The following PDE4D variants were observed in gnomAD, a reference collection of about 807,000 sequenced individuals.
PDE4D encodes 3',5'-cyclic-AMP phosphodiesterase 4D.
PDE4D carries 24 observed loss-of-function variants against 87.4 expected under a neutral mutation model. The observed-to-expected ratio is 0.27, with a 90% CI of 0.20 to 0.39. The LOEUF (loss-of-function observed/expected upper bound fraction) is 0.39. Among genes scored for constraint, PDE4D ranks in the 10% least tolerant of loss-of-function variants. PDE4D has a pLI of 1.00. For missense variants in PDE4D, 714 were observed against 1,041.0 expected (o/e 0.69, Z 4.32); for synonymous variants, 384 against 383.2 (o/e 1.00, Z -0.02).
At chr5:59,639,812 AGTGTGTGTGTGTGTGTGTGTGTGTGT>A (rs70975323) in intron 1 of PDE4D, among the ~76,000 whole-genome samples, 8 of 143,622 alleles carry the variant, frequency 5.6e-5, no homozygotes, top group Non-Finnish European at 9.1e-5. Context: ...TAGTGTCTAT[AGTGTGTGTGTGTGTGTGTGTGTGTGT>A]GTGTGTGTGT....
chr5:59,771,435 AAG>A (rs1295824570), intron 1 of PDE4D, among the ~76,000 whole-genome samples: 2 of 81,654 alleles, frequency 2.4e-5, no homozygotes, highest in South Asian at 4.5e-4. Flanking sequence ...GAAAAAGAAA[AAG>A]AAAGAAAGAA....
intron 5 of PDE4D, among the ~76,000 whole-genome samples, chr5:59,080,457 A>G (rs1016652977): frequency 2.0e-5 from 3 of 152,150 alleles, no homozygotes; most frequent in Non-Finnish European, 4.4e-5. Context: ...CTCCTTTAAC[A>G]GTGTGGGACT....
At chr5:60,337,386 T>TACAC (rs1370710315) in intron 1 of PDE4D, among the ~76,000 whole-genome samples, 92 of 92,110 alleles carry the variant, frequency 1.0e-3, no homozygotes, top group South Asian at 5.3e-3. Flanking sequence ...TATATATATA[T>TACAC]ATACACACAC....
chr5:59,583,466 ACCCTTAT>A (rs1036193001), intron 1 of PDE4D, among the ~76,000 whole-genome samples: 3 of 152,200 alleles, frequency 2.0e-5, no homozygotes, highest in African/African-American at 7.2e-5. Flanking sequence ...AGTGAGGCAA[ACCCTTAT>A]CTTTGTTTGG....
intron 6 of PDE4D, among the ~76,000 whole-genome samples, chr5:59,006,795 C>A: frequency 6.6e-6 from 1 of 152,234 alleles, no homozygotes; most frequent in Non-Finnish European, 1.5e-5. Context: ...ACTGCTGATA[C>A]ATTAACACAT....
chr5:60,316,752 G>GT (rs1188318728), intron 1 of PDE4D, among the ~76,000 whole-genome samples: 1 of 152,094 alleles, frequency 6.6e-6, no homozygotes, highest in African/African-American at 2.4e-5. Context: ...TAATCATATG[G>GT]TTTTTGTCAT....
At chr5:59,200,739 A>G (rs1187299497) in intron 2 of PDE4D, among the ~76,000 whole-genome samples, 1 of 150,102 alleles carries the variant, frequency 6.7e-6, no homozygotes, top group East Asian at 2.0e-4. Context: ...ATGTATATAT[A>G]TACATACACA....
intron 2 of PDE4D, among the ~76,000 whole-genome samples, chr5:60,111,745 T>C (rs1266356713): frequency 6.6e-6 from 1 of 151,946 alleles, no homozygotes; most frequent in East Asian, 1.9e-4. Context: ...TACAAAGACA[T>C]ATAATAAAGA....
At chr5:59,039,527 T>C (rs1408563271) in intron 5 of PDE4D, 1 of 985,710 alleles carries the variant, frequency 1.0e-6, no homozygotes, top group Non-Finnish European at 1.2e-6. Flanking sequence ...CCTGTTTTCT[T>C]TCTCAACTCC....
intron 1 of PDE4D, among the ~76,000 whole-genome samples, chr5:60,458,748 G>A (rs1057364247): frequency 5.6e-5 from 8 of 142,670 alleles, no homozygotes; most frequent in East Asian, 2.1e-4. Flanking sequence ...GTGAGCACAC[G>A]CACCACACCC....
At chr5:59,807,210 T>C (rs1028194635) in intron 1 of PDE4D, among the ~76,000 whole-genome samples, 1 of 151,506 alleles carries the variant, frequency 6.6e-6, no homozygotes, top group African/African-American at 2.4e-5. Context: ...GGTCCTGCCC[T>C]GGGAGCCTTA....
intron 2 of PDE4D, among the ~76,000 whole-genome samples, chr5:60,013,788 A>C (rs1254958446): frequency 6.6e-6 from 1 of 152,140 alleles, no homozygotes; most frequent in Non-Finnish European, 1.5e-5. Context: ...ATGCAAGCAA[A>C]TGCTAGATAA....
intron 1 of PDE4D, among the ~76,000 whole-genome samples, chr5:59,826,777 G>C (rs1040900424): frequency 6.6e-6 from 1 of 152,048 alleles, no homozygotes; most frequent in Non-Finnish European, 1.5e-5. Flanking sequence ...TTTTTTAATA[G>C]ATAAAGGGAA....
chr5:59,032,482 G>A (rs1212930095), intron 6 of PDE4D, among the ~76,000 whole-genome samples: 1 of 152,154 alleles, frequency 6.6e-6, no homozygotes, highest in African/African-American at 2.4e-5. Context: ...GGGAGGCTGA[G>A]GCAGGAGAAT....
At chr5:59,144,147 T>C (rs1463260159) in intron 5 of PDE4D, among the ~76,000 whole-genome samples, 1 of 152,224 alleles carries the variant, frequency 6.6e-6, no homozygotes, top group Admixed American at 6.5e-5. Flanking sequence ...AATTTTCTAT[T>C]GTTAAAGAGA....
At position 60,225,368 on chromosome 5, in the gene PDE4D, T is replaced by C. The variant is rs561006419; in HGVS notation, c.-89-39681A>G. On this transcript the variant is annotated intron_variant, in intron 1 of 16. Transcript: ENST00000502484. ...GTTTTTTTCCTCCATTAGATTTTAGTCTAATAAAATCTCCCTTCTCTGAGG... is the reference window on the plus strand; with the variant it reads ...GTTTTTTTCCTCCATTAGATTTTAGCCTAATAAAATCTCCCTTCTCTGAGG... Among the ~76,000 whole-genome samples the C allele has an allele frequency of 3.9e-5, 6 of 151,958 alleles. No homozygotes were observed. The South Asian group carries it at 1.2e-3, about 32-fold the overall frequency.
intron 1 of PDE4D, among the ~76,000 whole-genome samples, chr5:59,710,354 C>T (rs896124187): frequency 3.9e-5 from 6 of 152,212 alleles, no homozygotes; most frequent in Non-Finnish European, 8.8e-5. Context: ...ACAAAAGCTT[C>T]TGAAGCCTAC....
chr5:59,458,721 G>A (rs1800291715), intron 1 of PDE4D, among the ~76,000 whole-genome samples: 1 of 152,128 alleles, frequency 6.6e-6, no homozygotes, highest in African/African-American at 2.4e-5. Flanking sequence ...TCTCTCCTCT[G>A]CCAAAAGAAA....
At chr5:59,337,856 G>C (rs1265618656) in intron 1 of PDE4D, among the ~76,000 whole-genome samples, 1 of 152,096 alleles carries the variant, frequency 6.6e-6, no homozygotes, top group Non-Finnish European at 1.5e-5. Flanking sequence ...AGGTCATGGG[G>C]CACGAGATTA....
Sources: gnomAD v4.1 joint callset for allele counts (sites outside exome capture counted in the v4.1 genomes callset) on GRCh38, gnomAD v4.1.1 for gene constraint, MANE v1.5 for transcripts, NCBI Gene and HGNC (gene_info 2026-07-23, HGNC 2026-07-21) for gene names.